The following KCNA10 variants were observed in gnomAD, a reference collection of about 807,000 sequenced individuals.
KCNA10 encodes potassium voltage-gated channel subfamily A member 10.
A neutral mutation model predicts 21.4 loss-of-function variants in KCNA10; 16 were observed. The ratio of observed to expected loss-of-function variants is 0.75; its 90% CI spans 0.51 to 1.14. The LOEUF is 1.14. Among genes scored for constraint, KCNA10 ranks in the 50% most tolerant of loss-of-function variants. KCNA10 has a pLI of 0.00. For missense variants in KCNA10, 677 were observed against 649.1 expected, an observed-to-expected ratio of 1.04 and a Z score of -0.47; for synonymous variants, 276 against 245.9, an observed-to-expected ratio of 1.12 and a Z score of -1.15.
chr1:110,517,451 A>T lies in KCNA10; in HGVS notation c.1337T>A (p.Val446Asp). The T allele has an allele frequency of 1.2e-6, 2 of 1,614,064 alleles. No individual in the cohort carries two copies. Among genetic ancestry groups the T allele is most frequent in the Non-Finnish European group, 1.7e-6 (2 of 1,179,996 alleles). ...AGGCACAGGGAGGGCAATGGTGAGG[A>T]CCCCTGCAATGGCACACAGAGTGCC... is the stretch of plus-strand genomic sequence containing the variant. Reference protein sequence around the residue: ...IVGTLCAIAGVLTIALPVPVI... With the variant: ...IVGTLCAIAGDLTIALPVPVI... The change falls in exon 1 of 1, where the codon GTC becomes GAC. Residue 446 changes from valine (V) to aspartate (D), a missense_variant. Coordinates refer to ENST00000369771, the MANE Select transcript of KCNA10 (RefSeq NM_005549.2).
Position 110,518,954 on chromosome 1 carries a change from T to C in KCNA10, c.-167A>G. The C allele has an allele frequency of 2.0e-6, 1 of 499,826 alleles. No individual in the cohort carries two copies. Among genetic ancestry groups the C allele is most frequent in the Non-Finnish European group, 3.5e-6 (1 of 286,858 alleles). 31.0% of individuals were successfully genotyped at this position (499,826 alleles called of 1,614,324 possible). A position where few individuals can be genotyped will look rare whatever the true frequency, so the allele number is the denominator to read the frequency against. On this transcript the variant is annotated 5_prime_UTR_variant, in exon 1 of 1. Coordinates refer to ENST00000369771, the MANE Select transcript of KCNA10 (RefSeq NM_005549.2). ...GCTAATCAATGACTTATTTGTAGCT[T>C]GGGAAGGAACGTCATGGTTATTTTG...
Sources: allele counts gnomAD v4.1 joint callset, GRCh38; gene constraint gnomAD v4.1.1; transcripts MANE v1.5; gene names NCBI Gene and HGNC (gene_info 2026-07-23, HGNC 2026-07-21).